The following MYO18B variants were observed in gnomAD, a reference collection of about 807,000 sequenced individuals.
MYO18B encodes the protein unconventional myosin-XVIIIb.
Under a neutral mutation model 273.0 loss-of-function variants are expected in MYO18B, and 204 were observed. That is an observed-to-expected ratio of 0.75 (90% CI 0.67 to 0.84). MYO18B has a LOEUF of 0.84. Ranked by LOEUF, MYO18B falls within the 40% of genes least tolerant of loss-of-function variation. MYO18B has a pLI of 0.00. For synonymous variants in MYO18B, 1,330 were observed against 1,305.7 expected, an observed-to-expected ratio of 1.02 and a Z score of -0.40; for missense variants, 3,212 against 3,287.6, an observed-to-expected ratio of 0.98 and a Z score of 0.56.
At chr22:25,805,273 G>A (rs527902282) in intron 12 of MYO18B, among the ~76,000 whole-genome samples, 6 of 152,194 alleles carry the variant, frequency 3.9e-5, no homozygotes. Context: ...ACTTGCCCAG[G>A]GCACACAATG....
At chr22:25,835,573 G>A (rs537900805) in intron 17 of MYO18B, 130 bp downstream of exon 17, 5 of 1,119,500 alleles carry the variant, frequency 4.5e-6, no homozygotes, top group African/African-American at 3.1e-5. Context: ...GAATGTGCAT[G>A]AGCCTGTGTA....
intron 7 of MYO18B, among the ~76,000 whole-genome samples, chr22:25,774,818 TGC>T (rs1416049179): frequency 6.6e-6 from 1 of 152,138 alleles, no homozygotes; most frequent in Non-Finnish European, 1.5e-5. Context: ...TCTGGGTGTG[TGC>T]CTGGGGACAT....
chr22:25,844,394 A>C lies in MYO18B; in HGVS notation c.3368+500A>C, dbSNP rs1022907078. ...TGTGTGTGTGTGCATGCACACTCCC[A>C]AGTTCAATGCTGGAATTCCTCAGGG... On this transcript the variant is annotated intron_variant, in intron 18 of 43. Transcript: ENST00000335473. 1.4e-4 allele frequency among the ~76,000 whole-genome samples: 21 copies of C among 152,118 alleles called. 1 individual carries two copies. The highest frequency in any genetic ancestry group is 2.9e-5 in the Non-Finnish European group (2 of 68,004).
intron 21 of MYO18B, among the ~76,000 whole-genome samples, chr22:25,865,431 G>T (rs910526082): frequency 6.6e-6 from 1 of 152,230 alleles, no homozygotes; most frequent in Non-Finnish European, 1.5e-5. Context: ...AGGGTTTGAA[G>T]TGTATCTGAG....
chr22:25,780,460 G>C (rs6004764), intron 9 of MYO18B, among the ~76,000 whole-genome samples: 9 of 151,836 alleles, frequency 5.9e-5, no homozygotes, highest in African/African-American at 2.2e-4. Context: ...TGTGGTGGCA[G>C]GTGCCTGTAA....
chr22:25,890,406 A>G (rs992307896), intron 25 of MYO18B, among the ~76,000 whole-genome samples: 1 of 152,252 alleles, frequency 6.6e-6, no homozygotes, highest in African/African-American at 2.4e-5. Context: ...TAAAATGGCC[A>G]TTTTTAAAAC....
intron 15 of MYO18B, among the ~76,000 whole-genome samples, chr22:25,831,402 G>A (rs558542948): frequency 1.8e-4 from 28 of 152,230 alleles, no homozygotes; most frequent in Non-Finnish European, 3.5e-4. Flanking sequence ...TTGTTTTTTA[G>A]ATGGAGGTTC....
chr22:25,917,928 A>G (rs943682766), intron 33 of MYO18B, among the ~76,000 whole-genome samples: 42 of 152,286 alleles, frequency 2.8e-4, no homozygotes, highest in African/African-American at 9.1e-4. Flanking sequence ...TGGGATAGAT[A>G]TTATTATTTC....
In MYO18B at chr22:25,777,632, C is replaced by A; in HGVS notation, c.1919C>A (p.Ala640Glu). The change falls in exon 8 of 44, where the codon GCA becomes GAA. Residue 640 changes from alanine to glutamate, a missense_variant. Coordinates refer to ENST00000335473, the MANE Select transcript of MYO18B (RefSeq NM_032608.7). ...CTGCCTGCCCACATTGGCTCCATGG[C>A]ACAGCGGGCATACTGGGCGCTGCTG... ...DGLPAHIGSM[A>E]QRAYWALLNQ... is the part of the protein sequence containing the mutation. 1 of 1,610,370 alleles carries A rather than the reference C, an allele frequency of 6.2e-7. No homozygotes were observed. The highest frequency in any genetic ancestry group is 1.1e-5 in the South Asian group (1 of 90,458).
rs750078923 is a variant in MYO18B, at chr22:25,769,052, G to A, written c.1136G>A (p.Arg379Gln). The change falls in exon 4 of 44, where the codon CGG (arginine) becomes CAG (glutamine). Residue 379 changes from arginine (R) to glutamine (Q), a missense_variant. By Grantham distance (43) the Arg-to-Gln change is conservative. Coordinates refer to ENST00000335473, the MANE Select transcript of MYO18B (RefSeq NM_032608.7). ...ATGGGGGAGAAAGCAGGTGAGCTTC[G>A]GAGCACGACTGGGAAGGCAGGTGAG... ...LRMGEKAGEL[R>Q]STTGKAGESW... 27 of 1,612,018 alleles carry A rather than the reference G, an allele frequency of 1.7e-5. No individual in the cohort carries two copies. Among genetic ancestry groups the A allele is most frequent in the African/African-American group, 5.3e-5 (4 of 74,908 alleles).
rs1162595480 is a variant in MYO18B, at chr22:25,908,415, C to T, written c.5242C>T (p.Gln1748Ter). The T allele has an allele frequency of 6.3e-7, 1 of 1,592,636 alleles. No individual in the cohort carries two copies. The part of the protein sequence containing the change: ...DQEEELEDVR[Q>*]SCQKRLHQLE... ...GGAGGAGGAACTGGAGGATGTCCGT[C>T]AGTCCTGCCAGAAGCGGGTACGTGA... Residue 1748 changes from glutamine to a stop codon, truncating the protein, a stop_gained, in exon 32 of 44, where the codon CAG (glutamine) becomes TAG (stop). Coordinates refer to ENST00000335473, the MANE Select transcript of MYO18B (RefSeq NM_032608.7). LOFTEE classifies it high-confidence loss of function.
chr22:25,750,471 G>A (rs569751726), intron 1 of MYO18B, among the ~76,000 whole-genome samples: 86 of 152,076 alleles, frequency 5.7e-4, no homozygotes, highest in Non-Finnish European at 1.1e-3. Context: ...TTTTTCCCTC[G>A]CTGTCTGGCC....
intron 7 of MYO18B, 73 bp from the exon 8 acceptor site, chr22:25,777,510 G>A: frequency 1.4e-6 from 2 of 1,395,954 alleles, no homozygotes; most frequent in East Asian, 2.5e-5. Flanking sequence ...TAGGCCTGGG[G>A]CGGGGCGCTG....
At chr22:25,893,084 T>C (rs1317503468) in intron 27 of MYO18B, among the ~76,000 whole-genome samples, 1 of 152,236 alleles carries the variant, frequency 6.6e-6, no homozygotes, top group Non-Finnish European at 1.5e-5. Flanking sequence ...ATTATGAAAG[T>C]AATACATACT....
intron 32 of MYO18B, among the ~76,000 whole-genome samples, 159 bp from the exon 33 acceptor site, chr22:25,910,787 A>G (rs1250142617): frequency 6.6e-6 from 1 of 152,062 alleles, no homozygotes; most frequent in Non-Finnish European, 1.5e-5. Context: ...AGGCTCTTAA[A>G]TTCTCCCACA....
intron 21 of MYO18B, among the ~76,000 whole-genome samples, chr22:25,852,430 C>A (rs2090452630): frequency 6.6e-6 from 1 of 151,224 alleles, no homozygotes; most frequent in Non-Finnish European, 1.5e-5. Flanking sequence ...AATACCCAGA[C>A]CTAACTTTGT....
intron 7 of MYO18B, among the ~76,000 whole-genome samples, chr22:25,774,877 C>A (rs79414906): frequency 3.9e-5 from 6 of 152,312 alleles, no homozygotes; most frequent in African/African-American, 1.4e-4. Flanking sequence ...GGGTGCGACC[C>A]CGTGGGTAGA....
intron 39 of MYO18B, among the ~76,000 whole-genome samples, chr22:25,984,589 A>G (rs2093181687): frequency 6.6e-6 from 1 of 151,940 alleles, no homozygotes; most frequent in Non-Finnish European, 1.5e-5. Context: ...CAGGAGTTTG[A>G]GACCAACCTG....
At chr22:26,058,918 G>A in the MYO18B span, among the ~76,000 whole-genome samples, 1 of 152,174 alleles carries the variant, frequency 6.6e-6, no homozygotes, top group South Asian at 2.1e-4. Flanking sequence ...CTAAGACATG[G>A]ACAAAGCTGA....
Sources: gnomAD v4.1 joint callset for allele counts (sites outside exome capture counted in the v4.1 genomes callset) on GRCh38, gnomAD v4.1.1 for gene constraint, MANE v1.5 for transcripts, NCBI Gene and HGNC (gene_info 2026-07-23, HGNC 2026-07-21) for gene names.